Variants in ARMC8 observed in about 807,000 individuals in gnomAD.
The protein encoded by ARMC8 is armadillo repeat containing 8, also known as armadillo repeat-containing protein 8.
In ARMC8, 20 loss-of-function variants were observed where a neutral mutation model predicts 99.3. The ratio of observed to expected loss-of-function variants is 0.20; its 90% CI spans 0.14 to 0.29. The LOEUF is 0.29. ARMC8 is among the 10% of genes least tolerant of loss of function. The pLI is 1.00. For synonymous variants in ARMC8, 263 were observed against 278.3 expected (o/e 0.95, Z 0.55); for missense variants, 569 against 809.5 (o/e 0.70, Z 3.60).
intron 12 of ARMC8, chr3:138,246,798 T>G: frequency 2.0e-6 from 2 of 981,816 alleles, no homozygotes; most frequent in Non-Finnish European, 2.4e-6. Context: ...AAACTTGTAT[T>G]CATAATGTGT....
At chr3:138,206,052 C>A (rs1274339886) in intron 1 of ARMC8, among the ~76,000 whole-genome samples, 1 of 152,128 alleles carries the variant, frequency 6.6e-6, no homozygotes, top group Non-Finnish European at 1.5e-5. Flanking sequence ...TTCAATATAT[C>A]TGTGTAATAA....
intron 18 of ARMC8, among the ~76,000 whole-genome samples, chr3:138,279,539 G>C (rs1275661789): frequency 6.6e-6 from 1 of 152,014 alleles, no homozygotes; most frequent in Non-Finnish European, 1.5e-5. Flanking sequence ...TTTGGTATTG[G>C]GATAATGCTG....
intron 2 of ARMC8, among the ~76,000 whole-genome samples, chr3:138,216,001 C>T (rs1008257169): frequency 4.0e-5 from 6 of 151,096 alleles, no homozygotes; most frequent in East Asian, 3.9e-4. Flanking sequence ...GCTGGGATTA[C>T]AGCTACTGTA....
chr3:138,242,891 A>G (rs2046691879), intron 11 of ARMC8, among the ~76,000 whole-genome samples: 1 of 152,232 alleles, frequency 6.6e-6, no homozygotes, highest in South Asian at 2.1e-4. Flanking sequence ...AATAACCTTC[A>G]CTGGTATTTG....
At chr3:138,235,211 C>A in intron 7 of ARMC8, 97 bp downstream of exon 7, 10 of 809,532 alleles carry the variant, frequency 1.2e-5, no homozygotes, top group East Asian at 2.9e-5. Context: ...TAATTGTGAT[C>A]AAAAGTAGTA....
At chr3:138,201,485 C>T (rs2044076289) in intron 1 of ARMC8, among the ~76,000 whole-genome samples, 1 of 68,376 alleles carries the variant, frequency 1.5e-5, no homozygotes, top group Non-Finnish European at 2.7e-5. Context: ...TTTCCTGAGA[C>T]AGAGTCTTGC....
At chr3:138,209,956 CAT>C in intron 2 of ARMC8, 63 bp downstream of exon 2, 6 of 1,304,116 alleles carry the variant, frequency 4.6e-6, no homozygotes, top group South Asian at 1.3e-5. Flanking sequence ...TAATCTGCCA[CAT>C]ATTTTAATTT....
intron 20 of ARMC8, among the ~76,000 whole-genome samples, chr3:138,289,585 T>C (rs2050750379): frequency 6.6e-6 from 1 of 152,194 alleles, no homozygotes; most frequent in African/African-American, 2.4e-5. Context: ...TAAGGAGGCC[T>C]GTATAGATCA....
chr3:138,245,567 T>C (rs2046843529), intron 12 of ARMC8: 1 of 1,061,728 alleles, frequency 9.4e-7, no homozygotes, highest in Non-Finnish European at 1.1e-6. Context: ...TCCAATGCTA[T>C]TGAGAAATTC....
At chr3:138,265,136 A>G (rs2048155001) in intron 14 of ARMC8, among the ~76,000 whole-genome samples, 1 of 151,954 alleles carries the variant, frequency 6.6e-6, no homozygotes, top group Non-Finnish European at 1.5e-5. Context: ...AGCTCAAGTG[A>G]TCCTGCCTTG....
chr3:138,254,548 A>G (rs1403094050), intron 12 of ARMC8, among the ~76,000 whole-genome samples: 2 of 152,228 alleles, frequency 1.3e-5, no homozygotes, highest in Non-Finnish European at 1.5e-5. Flanking sequence ...ATAATTTATA[A>G]TGGTTTTATT....
At chr3:138,265,346 C>T (rs1462926438) in intron 14 of ARMC8, among the ~76,000 whole-genome samples, 1 of 152,192 alleles carries the variant, frequency 6.6e-6, no homozygotes, top group Non-Finnish European at 1.5e-5. Flanking sequence ...TCCCCTGATA[C>T]ACTACAAAAC....
chr3:138,248,434 G>C (rs2046978637), intron 12 of ARMC8, among the ~76,000 whole-genome samples: 3 of 152,314 alleles, frequency 2.0e-5, no homozygotes, highest in Admixed American at 2.0e-4. Context: ...GGAAAATCTA[G>C]TTTCTAATGA....
At chr3:138,223,581 A>G in intron 4 of ARMC8, 50 bp downstream of exon 4, 1 of 1,614,010 alleles carries the variant, frequency 6.2e-7, no homozygotes, top group Non-Finnish European at 8.5e-7. Flanking sequence ...ATCAGTTTGC[A>G]GTGCTTTAAA....
chr3:138,275,314 T>G (rs945215385), intron 18 of ARMC8, among the ~76,000 whole-genome samples: 2 of 152,116 alleles, frequency 1.3e-5, no homozygotes, highest in African/African-American at 4.8e-5. Context: ...TCCCAGCACT[T>G]TGGGAGGCCG....
intron 5 of ARMC8, among the ~76,000 whole-genome samples, chr3:138,224,917 A>G (rs570925228): frequency 2.0e-5 from 3 of 152,064 alleles, no homozygotes; most frequent in Admixed American, 1.3e-4. Flanking sequence ...TTATCTCTCT[A>G]TATGTAGAAC....
intron 1 of ARMC8, among the ~76,000 whole-genome samples, chr3:138,189,288 C>G (rs1399881889): frequency 7.0e-6 from 1 of 143,250 alleles, no homozygotes; most frequent in South Asian, 2.2e-4. Flanking sequence ...TTTTTTTTTT[C>G]TTTAATTAAA....
chr3:138,193,988 T>C (rs1370502488), intron 1 of ARMC8, among the ~76,000 whole-genome samples: 1 of 152,086 alleles, frequency 6.6e-6, no homozygotes, highest in Non-Finnish European at 1.5e-5. Flanking sequence ...TATAAACAGC[T>C]GGGCACTTGT....
intron 1 of ARMC8, among the ~76,000 whole-genome samples, chr3:138,207,650 T>C (rs1337452040): frequency 6.6e-6 from 1 of 152,224 alleles, no homozygotes; most frequent in African/African-American, 2.4e-5. Context: ...GTTTGTATTA[T>C]AGTAGTGCTT....
Sources: gnomAD v4.1 joint callset for allele counts (sites outside exome capture counted in the v4.1 genomes callset) on GRCh38, gnomAD v4.1.1 for gene constraint, MANE v1.5 for transcripts, NCBI Gene and HGNC (gene_info 2026-07-23, HGNC 2026-07-21) for gene names.